Variants in ALKBH1 observed in about 807,000 individuals in gnomAD.
ALKBH1 encodes the protein nucleic acid dioxygenase ALKBH1.
In ALKBH1, 31 loss-of-function variants were observed where a neutral mutation model predicts 36.6. The ratio of observed to expected loss-of-function variants is 0.85; its 90% CI spans 0.64 to 1.14. The LOEUF (loss-of-function observed/expected upper bound fraction) is 1.14. ALKBH1 is among the 50% of genes most tolerant of loss of function. The probability of loss-of-function intolerance (pLI) is 0.00; values close to 1 mark genes in which losing one functional copy is unlikely to be tolerated. For missense variants in ALKBH1, 490 were observed against 497.3 expected (o/e 0.99, Z 0.14); for synonymous variants, 183 against 186.6 (o/e 0.98, Z 0.16).
At chr14:77,680,048 A>G (rs1387940062) in intron 3 of ALKBH1, 78 bp from the exon 4 acceptor site, 18 of 1,116,302 alleles carry the variant, frequency 1.6e-5, no homozygotes, top group Non-Finnish European at 2.5e-5. Flanking sequence ...TCTGGAGTTA[A>G]AATTTAGTAT....
In ALKBH1 at chr14:77,686,734, C is replaced by T. The variant is rs58982122; in HGVS notation, c.456-6764G>A. 7.3e-3 allele frequency among the ~76,000 whole-genome samples: 1,105 copies of T among 152,314 alleles called. 17 individuals are homozygous for T. The highest frequency in any genetic ancestry group is 0.026 in the African/African-American group (1,069 of 41,556). ...CGCCTCCTGGGTTCAAGTGATTCTC[C>T]TGCCTCAGCCTCGCAAGTAGCTGGG... is the stretch of plus-strand genomic sequence containing the variant. On this transcript the variant is annotated intron_variant, in intron 3 of 5. Coordinates refer to ENST00000216489, the MANE Select transcript of ALKBH1 (RefSeq NM_006020.3).
chr14:77,703,012 C>T lies in ALKBH1; in HGVS notation c.292+1357G>A, dbSNP rs145896530. Reference sequence around the variant, plus strand: ...ACTAAAAATACAAAAATTAGCTGGGCGTGGTGGCATATACCTGTAGTCTCA... The same window carrying T: ...ACTAAAAATACAAAAATTAGCTGGGTGTGGTGGCATATACCTGTAGTCTCA... On this transcript the variant is annotated intron_variant, in intron 2 of 5. Transcript: ENST00000216489. Among the ~76,000 whole-genome samples the T allele has an allele frequency of 7.4e-3, 1,131 of 151,834 alleles. 15 individuals are homozygous for T. Among genetic ancestry groups the T allele is most frequent in the African/African-American group, 0.026 (1,071 of 41,418 alleles).
At chr14:77,687,017 A>G (rs1296570275) in intron 3 of ALKBH1, among the ~76,000 whole-genome samples, 1 of 152,242 alleles carries the variant, frequency 6.6e-6, no homozygotes, top group African/African-American at 2.4e-5. Context: ...ATCCAATGCC[A>G]CTGTAACTGC....
At chr14:77,682,171 A>T (rs1018818201) in intron 3 of ALKBH1, among the ~76,000 whole-genome samples, 2 of 152,234 alleles carry the variant, frequency 1.3e-5, no homozygotes, top group Non-Finnish European at 2.9e-5. Flanking sequence ...GAACAATTAC[A>T]ATATGGATAA....
intron 1 of ALKBH1, among the ~76,000 whole-genome samples, chr14:77,704,809 T>G (rs1192051206): frequency 6.6e-6 from 1 of 152,144 alleles, no homozygotes. Context: ...TTTAGATGAG[T>G]CATTTAATGT....
At chr14:77,705,221 T>A (rs974346796) in intron 1 of ALKBH1, among the ~76,000 whole-genome samples, 6 of 152,052 alleles carry the variant, frequency 3.9e-5, no homozygotes, top group African/African-American at 1.4e-4. Context: ...GAGACCAACC[T>A]GGCCAACATG....
Position 77,704,470 on chromosome 14 carries a change from T to C in ALKBH1, c.191A>G (p.Lys64Arg), listed in dbSNP as rs879315653. The change falls in exon 2 of 6, where the codon AAA becomes AGA. Residue 64 changes from lysine (K) to arginine (R), a missense_variant. Transcript: ENST00000216489. ...GACAGAAGACACATTTAGCTGAGAT[T>C]TGATCACCTGGCAGGAAGGAAACAG... ...GKGPGAQKVIKSQLNVSSVSE... is the reference protein window; with the variant it reads ...GKGPGAQKVIRSQLNVSSVSE... 2 of 1,613,684 alleles carry C rather than the reference T, an allele frequency of 1.2e-6. No homozygotes were observed. The highest frequency in any genetic ancestry group is 1.7e-6 in the Non-Finnish European group (2 of 1,179,710).
At chr14:77,676,513 C>T (rs1024688656) in intron 4 of ALKBH1, among the ~76,000 whole-genome samples, 1 of 151,876 alleles carries the variant, frequency 6.6e-6, no homozygotes, top group African/African-American at 2.4e-5. Flanking sequence ...AACACAAGGA[C>T]TAAATATAAT....
At chr14:77,704,314 A>T (rs2080376114) in intron 2 of ALKBH1, 55 bp downstream of exon 2, 1 of 1,250,038 alleles carries the variant, frequency 8.0e-7, no homozygotes, top group Admixed American at 1.7e-5. Flanking sequence ...CTTTGAAGAC[A>T]TGAAGACATA....
At chr14:77,702,036 C>T (rs892339921) in intron 2 of ALKBH1, among the ~76,000 whole-genome samples, 18 of 152,002 alleles carry the variant, frequency 1.2e-4, no homozygotes, top group African/African-American at 3.9e-4. Flanking sequence ...TGGTGGCTCA[C>T]GCCTGTAATC....
At chr14:77,687,401 C>T (rs1446596412) in intron 3 of ALKBH1, among the ~76,000 whole-genome samples, 2 of 152,186 alleles carry the variant, frequency 1.3e-5, no homozygotes, top group Non-Finnish European at 2.9e-5. Flanking sequence ...GGCCTTCAAA[C>T]ATGTTTAATA....
At chr14:77,704,513 C>T (rs1265547735) in intron 1 of ALKBH1, 36 bp from the exon 2 acceptor site, 1 of 1,566,844 alleles carries the variant, frequency 6.4e-7, no homozygotes, top group South Asian at 1.1e-5. Flanking sequence ...AGGACTAAAT[C>T]TATTTTGCAG....
intron 3 of ALKBH1, chr14:77,683,271 T>C (rs1402005734): frequency 2.6e-6 from 2 of 780,300 alleles, no homozygotes; most frequent in Non-Finnish European, 4.7e-6. Context: ...TCACAAAGTG[T>C]GCTTCTCTGG....
intron 3 of ALKBH1, among the ~76,000 whole-genome samples, chr14:77,693,249 T>C (rs1449634059): frequency 6.7e-6 from 1 of 149,160 alleles, no homozygotes; most frequent in East Asian, 2.0e-4. Context: ...GATGGGGTCT[T>C]GCTATGTTGC....
At chr14:77,675,312 T>C (rs1218865649) in intron 5 of ALKBH1, among the ~76,000 whole-genome samples, 1 of 151,674 alleles carries the variant, frequency 6.6e-6, no homozygotes, top group Non-Finnish European at 1.5e-5. Flanking sequence ...TGTGCACCTG[T>C]AGTTCCAGCT....
chr14:77,691,628 T>G (rs570423119), intron 3 of ALKBH1: 1 of 152,198 alleles, frequency 6.6e-6, no homozygotes, highest in Non-Finnish European at 1.5e-5. Flanking sequence ...GCCAGTACAA[T>G]GTCTTGAGCA....
chr14:77,695,376 A>G (rs2080321455), intron 2 of ALKBH1, among the ~76,000 whole-genome samples: 1 of 152,180 alleles, frequency 6.6e-6, no homozygotes, highest in Non-Finnish European at 1.5e-5. Flanking sequence ...TTCTATACTT[A>G]GCTTCATAAT....
intron 2 of ALKBH1, chr14:77,697,382 G>T: frequency 6.1e-6 from 1 of 163,148 alleles, no homozygotes; most frequent in Non-Finnish European, 1.3e-5. Flanking sequence ...GCAATGACGG[G>T]CAATGGAGCT....
rs749280705 is a variant in ALKBH1 at position 77,704,379 on chromosome 14, TTTGAGTCCATAGGC to T, written c.268_281del (p.Ala90ArgfsTer26). ...GTCAGTTACACTCACCAGGATAGCC[TTTGAGTCCATAGGC>T]TTGCCACTTGCTGACGGGCTGAAGA... On this transcript the variant is annotated frameshift_variant, in exon 2 of 6. Coordinates refer to ENST00000216489, the MANE Select transcript of ALKBH1 (RefSeq NM_006020.3). LOFTEE classifies it high-confidence loss of function. 24 of 1,613,324 alleles carry T rather than the reference TTTGAGTCCATAGGC, an allele frequency of 1.5e-5. No homozygotes were observed. The highest frequency in any genetic ancestry group is 2.0e-5 in the Non-Finnish European group (23 of 1,179,352).
Sources: allele counts gnomAD v4.1 joint callset (sites outside exome capture counted in the v4.1 genomes callset), GRCh38; gene constraint gnomAD v4.1.1; transcripts MANE v1.5; gene names NCBI Gene and HGNC (gene_info 2026-07-23, HGNC 2026-07-21).